Variants in RYR2 observed in about 807,000 individuals in gnomAD.
RYR2 encodes cardiac muscle ryanodine receptor-calcium release channel.
A neutral mutation model predicts 601.1 loss-of-function variants in RYR2; 227 were observed. That is an observed-to-expected ratio of 0.38 (90% CI 0.34 to 0.42). The LOEUF (loss-of-function observed/expected upper bound fraction) is 0.42. Ranked by LOEUF, RYR2 falls within the 10% of genes least tolerant of loss-of-function variation. RYR2 has a pLI of 1.00. For missense variants in RYR2, 4,646 were observed against 6,156.5 expected (o/e 0.75, Z 8.21); for synonymous variants, 2,223 against 2,175.1 (o/e 1.02, Z -0.61).
chr1:237,822,918 A>G (rs114456619), intron 101 of RYR2, among the ~76,000 whole-genome samples: 3,904 of 152,314 alleles, frequency 0.026, 146 homozygotes, highest in African/African-American at 0.088. Flanking sequence ...CTTTAAACCA[A>G]CGAAGATCAA....
rs575803905 is a variant in RYR2, at chr1:237,643,206, T to C, written c.7222-121T>C. ...AACTATTTCTGAGAGAGGCATAACT[T>C]TATGTATACACTGATCAGAAAATTA... On this transcript the variant is annotated intron_variant, in intron 47 of 104. Coordinates refer to ENST00000366574, the MANE Select transcript of RYR2 (RefSeq NM_001035.3). 7 of 1,213,394 alleles carry C rather than the reference T, an allele frequency of 5.8e-6. No homozygotes were observed. The South Asian group carries it at 1.1e-4, about 19-fold the overall frequency. The allele number at this position is 1,213,394 out of a possible 1,614,324, so 75.2% of individuals were successfully genotyped here. A position where few individuals can be genotyped will look rare whatever the true frequency, so the allele number is the denominator to read the frequency against.
At chr1:237,314,577 A>G (rs1277344971) in intron 2 of RYR2, among the ~76,000 whole-genome samples, 2 of 152,232 alleles carry the variant, frequency 1.3e-5, no homozygotes, top group Non-Finnish European at 2.9e-5. Context: ...TATTGAGCAC[A>G]TATCAATTGA....
intron 80 of RYR2, among the ~76,000 whole-genome samples, chr1:237,754,015 G>T (rs1342833159): frequency 6.6e-6 from 1 of 150,812 alleles, no homozygotes; most frequent in African/African-American, 2.4e-5. Context: ...GTACTGGAAA[G>T]AAATAATATT....
intron 1 of RYR2, among the ~76,000 whole-genome samples, chr1:237,173,832 A>G (rs1000876548): frequency 1.4e-5 from 2 of 138,656 alleles, no homozygotes; most frequent in Admixed American, 7.6e-5. Flanking sequence ...CGAGGCGGGC[A>G]GATCACGAGG....
rs577965760 is a variant in RYR2 at position 237,372,641 on chromosome 1, C to G, written c.385-2076C>G. 2.0e-5 allele frequency among the ~76,000 whole-genome samples: 3 copies of G among 152,264 alleles called. No homozygotes were observed. The South Asian group carries it at 6.2e-4, about 32-fold the overall frequency. Reference sequence around the variant, plus strand: ...AAACAATTCCACATTCTACAGCAATCAAAACACATGAACTGCATGAGCTAA... The same window carrying G: ...AAACAATTCCACATTCTACAGCAATGAAAACACATGAACTGCATGAGCTAA... On this transcript the variant is annotated intron_variant, in intron 6 of 104. Coordinates refer to ENST00000366574, the MANE Select transcript of RYR2 (RefSeq NM_001035.3).
chr1:237,546,698 C>G (rs1310631603), intron 25 of RYR2, among the ~76,000 whole-genome samples: 2 of 151,804 alleles, frequency 1.3e-5, no homozygotes, highest in African/African-American at 4.8e-5. Context: ...AAATTACTTA[C>G]AATATATGGG....
intron 13 of RYR2, 25 bp from the exon 14 acceptor site, chr1:237,445,376 T>G: frequency 1.9e-6 from 3 of 1,612,486 alleles, no homozygotes; most frequent in Non-Finnish European, 2.5e-6. Flanking sequence ...TTGGGAGTAA[T>G]GGCCTTATTT....
At chr1:237,679,479 G>A (rs950806621) in intron 61 of RYR2, among the ~76,000 whole-genome samples, 1 of 152,148 alleles carries the variant, frequency 6.6e-6, no homozygotes, top group African/African-American at 2.4e-5. Context: ...AGATAGACAT[G>A]AGTTTGAATA....
At chr1:237,143,985 T>C (rs1034326758) in intron 1 of RYR2, among the ~76,000 whole-genome samples, 2 of 152,036 alleles carry the variant, frequency 1.3e-5, no homozygotes, top group Admixed American at 6.6e-5. Context: ...AAAAATTAGC[T>C]GCGCATGGTG....
chr1:237,326,968 A>G (rs1272453723), intron 2 of RYR2, among the ~76,000 whole-genome samples: 1 of 152,236 alleles, frequency 6.6e-6, no homozygotes, highest in Non-Finnish European at 1.5e-5. Flanking sequence ...GTATAACTGT[A>G]CAAATTTCAA....
intron 2 of RYR2, among the ~76,000 whole-genome samples, chr1:237,279,274 G>T (rs1479415552): frequency 6.6e-6 from 1 of 152,066 alleles, no homozygotes; most frequent in Non-Finnish European, 1.5e-5. Flanking sequence ...TCATGACAGG[G>T]TGCAGTTTAT....
intron 58 of RYR2, 59 bp downstream of exon 58, chr1:237,668,017 T>C: frequency 7.5e-7 from 1 of 1,340,178 alleles, no homozygotes; most frequent in Non-Finnish European, 1.0e-6. Context: ...CATGAGTGTA[T>C]GGATGAAGTC....
intron 1 of RYR2, among the ~76,000 whole-genome samples, chr1:237,086,561 T>G (rs1483154439): frequency 6.6e-6 from 1 of 152,150 alleles, no homozygotes; most frequent in Non-Finnish European, 1.5e-5. Flanking sequence ...TTTATCTTAC[T>G]ATGGTGTTAT....
At chr1:237,346,468 T>C (rs1698325056) in intron 3 of RYR2, among the ~76,000 whole-genome samples, 1 of 152,076 alleles carries the variant, frequency 6.6e-6, no homozygotes, top group East Asian at 1.9e-4. Context: ...GTAAGATTAA[T>C]TTAGGAAGTA....
chr1:237,277,796 G>C (rs1029061583), intron 2 of RYR2, among the ~76,000 whole-genome samples: 3 of 152,118 alleles, frequency 2.0e-5, no homozygotes, highest in East Asian at 1.9e-4. Flanking sequence ...TTGCAGCCTA[G>C]GTGACAGAGT....
chr1:237,550,887 T>C (rs1178821611), intron 27 of RYR2, among the ~76,000 whole-genome samples, 196 bp downstream of exon 27: 2 of 152,148 alleles, frequency 1.3e-5, no homozygotes, highest in Admixed American at 6.5e-5. Context: ...CTCAGGATGC[T>C]GATGATTCTT....
At chr1:237,087,388 C>G (rs1364337538) in intron 1 of RYR2, among the ~76,000 whole-genome samples, 1 of 152,064 alleles carries the variant, frequency 6.6e-6, no homozygotes, top group Non-Finnish European at 1.5e-5. Flanking sequence ...TGTTGCTCAC[C>G]TGGTTACCTA....
intron 1 of RYR2, among the ~76,000 whole-genome samples, chr1:237,046,159 G>A (rs1660578955): frequency 6.6e-6 from 1 of 152,120 alleles, no homozygotes. Flanking sequence ...TCTACAAATG[G>A]TGACAATTAT....
At chr1:237,102,252 A>G (rs1668186506) in intron 1 of RYR2, among the ~76,000 whole-genome samples, 2 of 152,204 alleles carry the variant, frequency 1.3e-5, no homozygotes, top group South Asian at 4.1e-4. Flanking sequence ...GGAGTAGATC[A>G]GTCTGCCTGG....
Sources: gnomAD v4.1 joint callset for allele counts (sites outside exome capture counted in the v4.1 genomes callset) on GRCh38, gnomAD v4.1.1 for gene constraint, MANE v1.5 for transcripts, NCBI Gene and HGNC (gene_info 2026-07-23, HGNC 2026-07-21) for gene names.